The following ERMP1 variants were observed in gnomAD, a reference collection of about 807,000 sequenced individuals.
ERMP1 encodes endoplasmic reticulum metallopeptidase 1.
ERMP1 carries 86 observed loss-of-function variants against 92.0 expected under a neutral mutation model. The observed-to-expected ratio is 0.93, with a 90% CI of 0.79 to 1.12. The LOEUF (loss-of-function observed/expected upper bound fraction) is 1.12. ERMP1 is among the 50% of genes most tolerant of loss of function. The pLI is 0.00. For synonymous variants in ERMP1, 530 were observed against 412.8 expected (o/e 1.28, Z -3.44); for missense variants, 1,342 against 1,116.3 (o/e 1.20, Z -2.88).
chr9:5,787,465 GGAGTCCATGGGA>G lies in ERMP1; in HGVS notation c.2503_2514del (p.Ser835_Leu838del). On this transcript the variant is annotated inframe_deletion, in exon 14 of 15. Transcript: ENST00000339450. ...ATCCAGAACTGCCATGCAGAGGCCT[GGAGTCCATGGGA>G]GTAAAAGACAAAGTAGTCTCCTCCT... is the stretch of plus-strand genomic sequence containing the variant. 1 of 1,614,056 alleles carries G rather than the reference GGAGTCCATGGGA, an allele frequency of 6.2e-7. No individual in the cohort carries two copies. The highest frequency in any genetic ancestry group is 8.5e-7 in the Non-Finnish European group (1 of 1,179,984).
At chr9:5,822,871 C>T (rs992675198) in intron 4 of ERMP1, among the ~76,000 whole-genome samples, 2 of 152,154 alleles carry the variant, frequency 1.3e-5, no homozygotes, top group African/African-American at 4.8e-5. Flanking sequence ...CAGACCTTGG[C>T]GATGAGGCTT....
intron 13 of ERMP1, among the ~76,000 whole-genome samples, chr9:5,795,699 A>C (rs1343670948): frequency 6.6e-6 from 1 of 152,044 alleles, no homozygotes; most frequent in Non-Finnish European, 1.5e-5. Flanking sequence ...AATCACTTGA[A>C]CCCAGGAGGC....
intron 4 of ERMP1, among the ~76,000 whole-genome samples, chr9:5,817,383 T>G (rs1196792126): frequency 6.6e-6 from 1 of 151,844 alleles, no homozygotes; most frequent in East Asian, 1.9e-4. Flanking sequence ...AGAGACAGGG[T>G]TTCACAATGT....
rs1586830316 is a variant in ERMP1, at chr9:5,833,067, G to A, written c.-40C>T. 2 of 1,398,118 alleles carry A rather than the reference G, an allele frequency of 1.4e-6. No homozygotes were observed. The highest frequency in any genetic ancestry group is 2.9e-5 in the East Asian group (1 of 34,452). 86.6% of individuals were successfully genotyped at this position (1,398,118 alleles called of 1,614,324 possible). A position where few individuals can be genotyped will look rare whatever the true frequency, so the allele number is the denominator to read the frequency against. On this transcript the variant is annotated 5_prime_UTR_variant, in exon 1 of 15. Coordinates refer to ENST00000339450, the MANE Select transcript of ERMP1 (RefSeq NM_024896.3). ...GCTGCCAGCCCAACCGCCCCAACCC[G>A]CGACAGCCCCGGCCGCCGCCGACGC...
intron 2 of ERMP1, among the ~76,000 whole-genome samples, chr9:5,825,999 T>C (rs1478748917): frequency 6.6e-6 from 1 of 152,206 alleles, no homozygotes; most frequent in African/African-American, 2.4e-5. Context: ...TAGGTTTTTT[T>C]AGGTGAGGCA....
intron 6 of ERMP1, among the ~76,000 whole-genome samples, chr9:5,850,836 C>T (rs1830300545): frequency 6.6e-6 from 1 of 152,188 alleles, no homozygotes; most frequent in South Asian, 2.1e-4. Flanking sequence ...TGTAATTCTA[C>T]CCTAGCCTTC....
chr9:5,862,605 T>C (rs989676668), intron 5 of ERMP1, among the ~76,000 whole-genome samples: 3 of 152,200 alleles, frequency 2.0e-5, no homozygotes, highest in African/African-American at 4.8e-5. Flanking sequence ...CCTAAGCCTC[T>C]TAACATGCTG....
At chr9:5,802,362 T>C (rs1161849705) in intron 10 of ERMP1, among the ~76,000 whole-genome samples, 1 of 152,204 alleles carries the variant, frequency 6.6e-6, no homozygotes, top group Non-Finnish European at 1.5e-5. Flanking sequence ...TTTCCATAAG[T>C]AGAAAAATAA....
Position 5,805,626 on chromosome 9 carries a change from C to G in ERMP1, c.1708G>C (p.Asp570His). 6.3e-7 allele frequency: 1 copy of G among 1,594,806 alleles called. No individual in the cohort carries two copies. Among genetic ancestry groups the G allele is most frequent in the Non-Finnish European group, 8.5e-7 (1 of 1,174,074 alleles). ...AATACCCTACCATGCTGCTTGAAGT[C>G]CTTATGCACACAGAGCTTTGTGAGC... ...PLLTKLCVHK[D>H]FKQHGAQGKF... Residue 570 changes from aspartate (D) to histidine (H), a missense_variant, in exon 9 of 15, where the codon GAC becomes CAC. Transcript: ENST00000339450.
rs1471209144 is a variant in ERMP1 at position 5,798,983 on chromosome 9, A to C, written c.2093T>G (p.Leu698Trp). ...LQHMTRTFHDLEGNAVKRDSG... is the reference protein window; with the variant it reads ...LQHMTRTFHDWEGNAVKRDSG... ...GTCCCGTTTAACTGCATTTCCTTCC[A>C]AGTCATGGAATGTTCTAGTCATATG... The change falls in exon 12 of 15, where the codon TTG becomes TGG. Residue 698 changes from leucine (L) to tryptophan (W), a missense_variant. By Grantham distance (61) the Leu-to-Trp change is moderately conservative. Coordinates refer to ENST00000339450, the MANE Select transcript of ERMP1 (RefSeq NM_024896.3). 6.2e-7 allele frequency: 1 copy of C among 1,613,836 alleles called. No homozygotes were observed. The highest frequency in any genetic ancestry group is 1.7e-5 in the Admixed American group (1 of 60,020).
intron 4 of ERMP1, among the ~76,000 whole-genome samples, chr9:5,820,421 T>C (rs1156990823): frequency 6.6e-6 from 1 of 152,218 alleles, no homozygotes; most frequent in Non-Finnish European, 1.5e-5. Flanking sequence ...TAGAAGAGTA[T>C]AGACTAAACT....
At chr9:5,826,303 G>A (rs1360861705) in intron 2 of ERMP1, among the ~76,000 whole-genome samples, 1 of 152,194 alleles carries the variant, frequency 6.6e-6, no homozygotes, top group Admixed American at 6.5e-5. Flanking sequence ...TTACACATTT[G>A]AAGCAGGGTG....
chr9:5,823,621 G>A (rs189758401), intron 4 of ERMP1, among the ~76,000 whole-genome samples: 41 of 152,236 alleles, frequency 2.7e-4, no homozygotes, highest in Non-Finnish European at 4.6e-4. Flanking sequence ...GGAAGTAACA[G>A]TACTTATCTT....
At chr9:5,852,147 C>T (rs10975319) in intron 6 of ERMP1, among the ~76,000 whole-genome samples, 12 of 152,058 alleles carry the variant, frequency 7.9e-5, no homozygotes, top group Non-Finnish European at 1.5e-4. Flanking sequence ...ATGCAAAGAA[C>T]ATTATAAAGA....
chr9:5,864,237 G>A (rs73391338), intron 5 of ERMP1, among the ~76,000 whole-genome samples: 4,482 of 152,212 alleles, frequency 0.029, 231 homozygotes, highest in African/African-American at 0.1. Flanking sequence ...TTTTCAAAAG[G>A]AAATAGGATC....
intron 6 of ERMP1, among the ~76,000 whole-genome samples, chr9:5,847,775 G>A (rs528896004): frequency 6.6e-6 from 1 of 151,872 alleles, no homozygotes; most frequent in African/African-American, 2.4e-5. Context: ...GGCGCCTGTA[G>A]TCCCAGCTAC....
chr9:5,861,483 G>C (rs759044376), intron 5 of ERMP1, among the ~76,000 whole-genome samples: 2 of 152,082 alleles, frequency 1.3e-5, no homozygotes, highest in Non-Finnish European at 2.9e-5. Flanking sequence ...AGCCATGTGT[G>C]TCAATCTTGA....
chr9:5,834,703 A>ATGTGTGTGTGTGTGTGTGTGTGTG (rs766269385), upstream of ERMP1, among the ~76,000 whole-genome samples: 1 of 122,906 alleles, frequency 8.1e-6, no homozygotes, highest in Non-Finnish European at 1.6e-5. Context: ...GTATGTATAT[A>ATGTGTGTGTGTGTGTGTGTGTGTG]TGTGTGTGTG....
intron 8 of ERMP1, among the ~76,000 whole-genome samples, chr9:5,807,864 A>G (rs1156590132): frequency 6.6e-6 from 1 of 152,154 alleles, no homozygotes; most frequent in Non-Finnish European, 1.5e-5. Context: ...GTTATATGTC[A>G]GTCTCACTTC....
Sources: gnomAD v4.1 joint callset for allele counts (sites outside exome capture counted in the v4.1 genomes callset) on GRCh38, gnomAD v4.1.1 for gene constraint, MANE v1.5 for transcripts, NCBI Gene and HGNC (gene_info 2026-07-23, HGNC 2026-07-21) for gene names.